Variants in CELF4 observed in about 807,000 individuals in gnomAD.
CELF4 encodes CUGBP Elav-like family member 4, also known as CUG-BP- and ETR-3-like factor 4.
CELF4 carries 18 observed loss-of-function variants against 59.9 expected under a neutral mutation model. That is an observed-to-expected ratio of 0.30 (90% CI 0.21 to 0.45). CELF4 has a LOEUF of 0.45. Ranked by LOEUF, CELF4 falls within the 20% of genes least tolerant of loss-of-function variation. The pLI is 1.00. For missense variants in CELF4, 456 were observed against 689.0 expected, an observed-to-expected ratio of 0.66 and a Z score of 3.79; for synonymous variants, 261 against 267.1, an observed-to-expected ratio of 0.98 and a Z score of 0.22.
At chr18:37,286,659 C>T (rs1184589082) in intron 3 of CELF4, among the ~76,000 whole-genome samples, 1 of 152,182 alleles carries the variant, frequency 6.6e-6, no homozygotes, top group South Asian at 2.1e-4. Context: ...GCCATCTTCC[C>T]GGGGAGGTGC....
chr18:37,512,906 T>C lies in CELF4; in HGVS notation c.287-27299A>G, dbSNP rs2099946187. Among the ~76,000 whole-genome samples, 3 of 152,098 alleles carry C rather than the reference T, an allele frequency of 2.0e-5. No individual in the cohort carries two copies. In the South Asian group the frequency reaches 6.2e-4, roughly 32 times the overall value. ...TGCCCTTGTCTTTGTAAAAACACCCTTCTCCCGGGAGTTCTGCAGGTGTCA... is the reference window on the plus strand; with the variant it reads ...TGCCCTTGTCTTTGTAAAAACACCCCTCTCCCGGGAGTTCTGCAGGTGTCA... On this transcript the variant is annotated intron_variant, in intron 1 of 12. Coordinates refer to ENST00000420428, the MANE Select transcript of CELF4 (RefSeq NM_020180.4).
At chr18:37,444,617 TACACAC>T (rs61248144) in intron 2 of CELF4, among the ~76,000 whole-genome samples, 47,155 of 134,102 alleles carry the variant, frequency 0.35, 8,352 homozygotes, top group South Asian at 0.54. Context: ...CTAGCATGCA[TACACAC>T]ACACACACAC....
chr18:37,289,105 T>A (rs1390582714), intron 3 of CELF4, among the ~76,000 whole-genome samples: 1 of 151,916 alleles, frequency 6.6e-6, no homozygotes, highest in South Asian at 2.1e-4. Flanking sequence ...TCAAGAAAAG[T>A]GCTTCCAAAT....
intron 2 of CELF4, among the ~76,000 whole-genome samples, chr18:37,401,889 C>A (rs377499834): frequency 6.6e-4 from 101 of 152,354 alleles, no homozygotes; most frequent in South Asian, 1.9e-3. Flanking sequence ...TGACCTGGGG[C>A]CTGGCATGAT....
Position 37,273,125 on chromosome 18 carries a change from C to A in CELF4, c.840G>T (p.Ala280=), listed in dbSNP as rs372009828. ...CCATGGGGTTCAGGTAGCCGCCCTG[C>A]GCGACTGATGCCATCAGGGCCGCTT... is the stretch of plus-strand genomic sequence containing the variant. ...QQQAALMASV[A]QGGYLNPMAA... Residue 280 remains alanine, a synonymous_variant, in exon 7 of 13, where the codon GCG becomes GCT. Transcript: ENST00000420428. 197 of 1,613,310 alleles carry A rather than the reference C, an allele frequency of 1.2e-4. No individual in the cohort carries two copies. The highest frequency in any genetic ancestry group is 1.6e-4 in the Non-Finnish European group (194 of 1,179,706).
At chr18:37,427,141 G>C (rs972307165) in intron 2 of CELF4, among the ~76,000 whole-genome samples, 1 of 152,114 alleles carries the variant, frequency 6.6e-6, no homozygotes, top group African/African-American at 2.4e-5. Flanking sequence ...TCAAATGAAG[G>C]CTTCTCCTCT....
chr18:37,353,231 A>ATATAT lies in CELF4; in HGVS notation c.370-31351_370-31350insATATA, dbSNP rs1181537087. 5.0e-3 allele frequency among the ~76,000 whole-genome samples: 319 copies of ATATAT among 64,176 alleles called. 1 individual carries two copies. The highest frequency in any genetic ancestry group is 0.015 in the African/African-American group (249 of 16,540). 42.1% of individuals were successfully genotyped at this position (64,176 alleles called of 152,430 possible). A position where few individuals can be genotyped will look rare whatever the true frequency, so the allele number is the denominator to read the frequency against. On this transcript the variant is annotated intron_variant, in intron 2 of 12. Coordinates refer to ENST00000420428, the MANE Select transcript of CELF4 (RefSeq NM_020180.4). ...GTGAGACTCCGTCTCAAAAAAAAAA[A>ATATAT]AAATATATATATATATATACATAAA...
intron 1 of CELF4, among the ~76,000 whole-genome samples, chr18:37,519,224 C>T (rs1304045249): frequency 1.3e-5 from 2 of 152,136 alleles, no homozygotes; most frequent in Admixed American, 1.3e-4. Flanking sequence ...AGCCATGACC[C>T]AGAACAGCAG....
chr18:37,401,254 C>G (rs2099322912), intron 2 of CELF4, among the ~76,000 whole-genome samples: 1 of 152,232 alleles, frequency 6.6e-6, no homozygotes, highest in Non-Finnish European at 1.5e-5. Flanking sequence ...CCTTCTCCCA[C>G]CAGGTCATCC....
chr18:37,253,927 A>G lies in CELF4; in HGVS notation c.1345T>C (p.Phe449Leu). ...QMFLPFGFVS[F>L]DNPASAQTAI... ...GTCTGCGCGCTGGCCGGGTTGTCGA[A>G]GCTCACGAAGCCTGGCGAGACACGA... Residue 449 changes from phenylalanine to leucine, a missense_variant, in exon 12 of 13, where the codon TTC (phenylalanine) becomes CTC (leucine). Physicochemically the swap from Phe to Leu is conservative, Grantham distance 22. Around this residue, in one of 7 missense-constraint regions of CELF4, gnomAD observed 256 missense variants for 340.8 expected, o/e 0.75. Transcript: ENST00000420428. The surrounding 1 kb of genome is among the most constrained non-coding windows in gnomAD (Gnocchi z 4.5). 1 of 1,601,668 alleles carries G rather than the reference A, an allele frequency of 6.2e-7. No individual in the cohort carries two copies. The highest frequency in any genetic ancestry group is 1.4e-5 in the African/African-American group (1 of 73,804).
chr18:37,320,808 G>A (rs2097088311), intron 3 of CELF4, among the ~76,000 whole-genome samples: 1 of 152,180 alleles, frequency 6.6e-6, no homozygotes, highest in Non-Finnish European at 1.5e-5. Context: ...AGGGCACCTG[G>A]CAGGGGCCTG....
intron 3 of CELF4, among the ~76,000 whole-genome samples, chr18:37,280,423 T>A (rs184698225): frequency 6.6e-6 from 1 of 152,290 alleles, no homozygotes; most frequent in East Asian, 1.9e-4. Context: ...GAAAGAGTTG[T>A]GCATGGCTCT....
intron 9 of CELF4, 33 bp downstream of exon 9, chr18:37,266,500 G>T (rs1411186131): frequency 2.6e-6 from 4 of 1,567,762 alleles, no homozygotes; most frequent in Admixed American, 1.9e-5. Flanking sequence ...AACGGAGTTG[G>T]GGAAGGAGCC....
intron 7 of CELF4, among the ~76,000 whole-genome samples, chr18:37,271,144 A>G (rs1323902484): frequency 1.3e-5 from 2 of 151,998 alleles, no homozygotes; most frequent in Non-Finnish European, 2.9e-5. Context: ...CAGACTCCAA[A>G]TTCCACCTGC....
chr18:37,392,168 CCCCAAGAACAAGCT>C (rs1052158123), intron 2 of CELF4, among the ~76,000 whole-genome samples: 4 of 152,200 alleles, frequency 2.6e-5, no homozygotes, highest in African/African-American at 9.6e-5. Flanking sequence ...AAAGGTTTTC[CCCCAAGAACAAGCT>C]AGTTCTGGGG....
intron 10 of CELF4, 24 bp downstream of exon 10, chr18:37,264,650 C>T: frequency 1.3e-6 from 2 of 1,554,708 alleles, no homozygotes; most frequent in Non-Finnish European, 1.7e-6. Flanking sequence ...AGGGAGGGGC[C>T]CAGGAGCTGG....
Position 37,243,190 on chromosome 18 carries a change from T to TC in CELF4, c.*2051_*2052insG, listed in dbSNP as rs1473593127. 2.0e-5 allele frequency: 3 copies of TC among 146,620 alleles called. No individual in the cohort carries two copies. Among genetic ancestry groups the TC allele is most frequent in the African/African-American group, 5.0e-5 (2 of 39,996 alleles). The allele number at this position is 146,620 out of a possible 1,614,324, so 9.1% of individuals were successfully genotyped here. Reference sequence around the variant, plus strand: ...TTCTTTTTTTTTTCTTTTTTTCTTTTTTTTTTTTTTTTTTTTACATCTGGA... The same window carrying TC: ...TTCTTTTTTTTTTCTTTTTTTCTTTTCTTTTTTTTTTTTTTTTACATCTGGA... On this transcript the variant is annotated 3_prime_UTR_variant, in exon 13 of 13. Coordinates refer to ENST00000420428, the MANE Select transcript of CELF4 (RefSeq NM_020180.4).
chr18:37,467,703 T>C (rs1020904567), intron 2 of CELF4, among the ~76,000 whole-genome samples: 1 of 152,218 alleles, frequency 6.6e-6, no homozygotes, highest in African/African-American at 2.4e-5. Context: ...AGACAGATGC[T>C]GTGATTAGCA....
At chr18:37,493,806 C>T (rs947412522) in intron 1 of CELF4, among the ~76,000 whole-genome samples, 9 of 152,174 alleles carry the variant, frequency 5.9e-5, no homozygotes, top group Admixed American at 6.5e-5. Flanking sequence ...TTTCAGGCTC[C>T]GTACTGCCCT....
Sources: gnomAD v4.1 joint callset for allele counts (sites outside exome capture counted in the v4.1 genomes callset) on GRCh38, gnomAD v4.1.1 for gene constraint, gnomAD v4.1.1 regional missense constraint, Gnocchi (gnomAD v3.1) non-coding constraint, MANE v1.5 for transcripts, NCBI Gene and HGNC (gene_info 2026-07-23, HGNC 2026-07-21) for gene names.